ITPR2: variants seen among roughly 807,000 people sequenced by gnomAD.
The protein encoded by ITPR2 is inositol 1,4,5-trisphosphate receptor type 2, also known as inositol 1,4,5-trisphosphate-gated calcium channel ITPR2.
In ITPR2, 207 loss-of-function variants were observed where a neutral mutation model predicts 317.1. The ratio of observed to expected loss-of-function variants is 0.65; its 90% CI spans 0.58 to 0.73. ITPR2 has a LOEUF of 0.73. Ranked by LOEUF, ITPR2 falls within the 30% of genes least tolerant of loss-of-function variation. The pLI, the probability that ITPR2 is intolerant of heterozygous loss-of-function variation, is 0.00. For synonymous variants in ITPR2, 1,156 were observed against 1,149.1 expected (o/e 1.01, Z -0.12); for missense variants, 2,613 against 3,284.0 (o/e 0.80, Z 4.99).
intron 10 of ITPR2, among the ~76,000 whole-genome samples, chr12:26,687,285 TC>T (rs1400886147): frequency 1.3e-5 from 2 of 152,104 alleles, no homozygotes; most frequent in African/African-American, 4.8e-5. Context: ...TACTAGAACT[TC>T]CCCAAGTCCC....
At chr12:26,779,396 A>G (rs1254664908) in intron 2 of ITPR2, among the ~76,000 whole-genome samples, 2 of 152,160 alleles carry the variant, frequency 1.3e-5, no homozygotes, top group Non-Finnish European at 1.5e-5. Flanking sequence ...TCTAGCCATA[A>G]AGTGGGTCAT....
intron 45 of ITPR2, among the ~76,000 whole-genome samples, chr12:26,465,402 G>T (rs937610933): frequency 6.6e-6 from 1 of 152,140 alleles, no homozygotes; most frequent in Non-Finnish European, 1.5e-5. Context: ...GGCAGAAATG[G>T]GTTAGAGAGA....
At chr12:26,549,898 T>C (rs984087939) in intron 37 of ITPR2, among the ~76,000 whole-genome samples, 2 of 152,000 alleles carry the variant, frequency 1.3e-5, no homozygotes, top group East Asian at 3.8e-4. Flanking sequence ...ATTCTCAGTA[T>C]GTGGCAGAAC....
At chr12:26,714,403 C>A (rs1948701989) in intron 8 of ITPR2, among the ~76,000 whole-genome samples, 1 of 152,136 alleles carries the variant, frequency 6.6e-6, no homozygotes, top group African/African-American at 2.4e-5. Context: ...CCAAACATAT[C>A]CATCCAAGAT....
intron 52 of ITPR2, among the ~76,000 whole-genome samples, chr12:26,401,227 T>A (rs2136652414): frequency 6.6e-6 from 1 of 151,734 alleles, no homozygotes; most frequent in East Asian, 1.9e-4. Flanking sequence ...AGACTCTGTC[T>A]TTAAAAAAAA....
chr12:26,414,339 T>C (rs1331028394), intron 51 of ITPR2, among the ~76,000 whole-genome samples: 1 of 152,180 alleles, frequency 6.6e-6, no homozygotes, highest in Non-Finnish European at 1.5e-5. Context: ...CCATATATCG[T>C]CAATTTAGTA....
At chr12:26,400,757 G>C (rs1027422550) in intron 52 of ITPR2, 1 of 152,308 alleles carries the variant, frequency 6.6e-6, no homozygotes, top group Non-Finnish European at 1.5e-5. Context: ...ACACAGCCAC[G>C]TTACCCAGGA....
intron 45 of ITPR2, 23 bp downstream of exon 45, chr12:26,475,273 T>C: frequency 6.2e-7 from 1 of 1,612,624 alleles, no homozygotes; most frequent in Non-Finnish European, 8.5e-7. Context: ...AGCAAAATAA[T>C]GTAAAGATAT....
chr12:26,661,890 A>T (rs1199484422), intron 15 of ITPR2, among the ~76,000 whole-genome samples: 3 of 152,096 alleles, frequency 2.0e-5, no homozygotes, highest in Non-Finnish European at 4.4e-5. Context: ...CTGCTACTTA[A>T]TTCTTCTTCC....
intron 13 of ITPR2, among the ~76,000 whole-genome samples, chr12:26,672,827 A>G (rs1334820979): frequency 1.3e-5 from 2 of 151,976 alleles, no homozygotes; most frequent in African/African-American, 2.4e-5. Flanking sequence ...AAAAAAAGAG[A>G]GAAGAATCAA....
At chr12:26,389,095 TC>T (rs1412273449) in intron 54 of ITPR2, among the ~76,000 whole-genome samples, 2 of 152,186 alleles carry the variant, frequency 1.3e-5, no homozygotes, top group Non-Finnish European at 2.9e-5. Context: ...GCCATTGTCA[TC>T]CCTCATGTGG....
chr12:26,717,955 CAG>C lies in ITPR2; in HGVS notation c.526-1715_526-1714del, dbSNP rs1948769655. Among the ~76,000 whole-genome samples, 6 of 152,338 alleles carry C rather than the reference CAG, an allele frequency of 3.9e-5. No individual in the cohort carries two copies. In the South Asian group the frequency reaches 1.2e-3, roughly 32 times the overall value. On this transcript the variant is annotated intron_variant, in intron 5 of 56. Transcript: ENST00000381340. ...ATGACAGCAAGGCAGCTCCAAGTCA[CAG>C]AGCCATGTAGAGGCCTGAGTCATCA...
At chr12:26,471,394 G>A (rs190269328) in intron 45 of ITPR2, among the ~76,000 whole-genome samples, 1 of 152,352 alleles carries the variant, frequency 6.6e-6, no homozygotes, top group Non-Finnish European at 1.5e-5. Flanking sequence ...GAGCAAAGCA[G>A]AGAGATGGGG....
intron 9 of ITPR2, among the ~76,000 whole-genome samples, chr12:26,708,456 T>TA (rs1471554709): frequency 1.3e-5 from 2 of 152,158 alleles, no homozygotes; most frequent in Non-Finnish European, 2.9e-5. Context: ...ACAATATGGA[T>TA]AAAACTGGAG....
chr12:26,670,993 T>C (rs1275414742), intron 13 of ITPR2, among the ~76,000 whole-genome samples: 1 of 151,790 alleles, frequency 6.6e-6, no homozygotes, highest in African/African-American at 2.4e-5. Flanking sequence ...AAGGGAAGTT[T>C]AGAGAAAAAA....
intron 37 of ITPR2, among the ~76,000 whole-genome samples, chr12:26,518,473 G>A (rs753291915): frequency 2.6e-5 from 4 of 152,060 alleles, no homozygotes; most frequent in Non-Finnish European, 5.9e-5. Context: ...CCTGTGACAT[G>A]CAATTTACCT....
intron 10 of ITPR2, among the ~76,000 whole-genome samples, chr12:26,691,578 T>C (rs1390682308): frequency 1.3e-5 from 2 of 152,116 alleles, no homozygotes; most frequent in African/African-American, 2.4e-5. Context: ...AAGTTGTACA[T>C]GGAGAAAATG....
intron 26 of ITPR2, among the ~76,000 whole-genome samples, chr12:26,603,859 C>T (rs555058490): frequency 7.2e-5 from 11 of 152,250 alleles, no homozygotes; most frequent in African/African-American, 2.6e-4. Flanking sequence ...GGGTCCATCG[C>T]AAAGATTGGG....
intron 1 of ITPR2, among the ~76,000 whole-genome samples, chr12:26,823,276 A>G (rs1210337905): frequency 6.6e-6 from 1 of 152,180 alleles, no homozygotes; most frequent in East Asian, 1.9e-4. Context: ...CCTACTATAT[A>G]CCAGCAATTT....
Sources: allele counts gnomAD v4.1 joint callset (sites outside exome capture counted in the v4.1 genomes callset), GRCh38; gene constraint gnomAD v4.1.1; transcripts MANE v1.5; gene names NCBI Gene and HGNC (gene_info 2026-07-23, HGNC 2026-07-21).